SLC20A2: variants seen among roughly 807,000 people sequenced by gnomAD.
SLC20A2 encodes the protein solute carrier family 20 member 2.
In SLC20A2, 30 loss-of-function variants were observed where a neutral mutation model predicts 61.0. That is an observed-to-expected ratio of 0.49 (90% CI 0.37 to 0.67). The LOEUF is 0.67. Ranked by LOEUF, SLC20A2 falls within the 30% of genes least tolerant of loss-of-function variation. The probability of loss-of-function intolerance (pLI) is 0.00; values close to 1 mark genes in which losing one functional copy is unlikely to be tolerated. For synonymous variants in SLC20A2, 351 were observed against 353.3 expected, an observed-to-expected ratio of 0.99 and a Z score of 0.07; for missense variants, 626 against 866.4, an observed-to-expected ratio of 0.72 and a Z score of 3.48.
chr8:42,458,960 C>T (rs1043129689), intron 5 of SLC20A2, among the ~76,000 whole-genome samples: 7 of 105,766 alleles, frequency 6.6e-5, no homozygotes, highest in African/African-American at 3.5e-4. Flanking sequence ...CCACAAAAAA[C>T]CTCTGAACCT....
intron 1 of SLC20A2, among the ~76,000 whole-genome samples, chr8:42,532,307 A>G (rs1448189863): frequency 6.6e-6 from 1 of 152,200 alleles, no homozygotes; most frequent in Non-Finnish European, 1.5e-5. Flanking sequence ...ATTTCTAGAA[A>G]TTAACAATGA....
At chr8:42,456,110 A>G (rs962276150) in intron 5 of SLC20A2, among the ~76,000 whole-genome samples, 1 of 152,148 alleles carries the variant, frequency 6.6e-6, no homozygotes, top group Non-Finnish European at 1.5e-5. Context: ...GAATGTGCCA[A>G]CTGCAGCCAA....
chr8:42,517,229 G>A (rs1318370484), intron 1 of SLC20A2, among the ~76,000 whole-genome samples: 2 of 151,986 alleles, frequency 1.3e-5, no homozygotes, highest in East Asian at 1.9e-4. Flanking sequence ...CAGGCTGGGC[G>A]AGGTGGCTCA....
At chr8:42,517,938 A>ATTAT (rs755642461) in intron 1 of SLC20A2, among the ~76,000 whole-genome samples, 21 of 151,762 alleles carry the variant, frequency 1.4e-4, no homozygotes, top group Middle Eastern at 3.4e-3. Context: ...TTTTTAAAGA[A>ATTAT]TTATTTATTT....
intron 1 of SLC20A2, among the ~76,000 whole-genome samples, chr8:42,478,679 A>G (rs1441895230): frequency 6.6e-6 from 1 of 152,058 alleles, no homozygotes; most frequent in African/African-American, 2.4e-5. Context: ...TGTTGTCAAA[A>G]CTCACGAAAC....
Position 42,487,882 on chromosome 8 carries a change from A to G in SLC20A2, c.-265+13149T>C, listed in dbSNP as rs149329128. Among the ~76,000 whole-genome samples, 192 of 152,304 alleles carry G rather than the reference A, an allele frequency of 1.3e-3. 1 individual carries two copies. The highest frequency in any genetic ancestry group is 2.2e-3 in the Non-Finnish European group (150 of 68,032). On this transcript the variant is annotated intron_variant, in intron 1 of 10. Coordinates refer to ENST00000520262, the MANE Select transcript of SLC20A2 (RefSeq NM_001257180.2). ...TTTTCAAAACTGAAACTCTGTACCC[A>G]TTAGACAATAACTTGCCATTCTCGC... is the stretch of plus-strand genomic sequence containing the variant.
intron 1 of SLC20A2, among the ~76,000 whole-genome samples, chr8:42,523,278 C>T (rs1236490913): frequency 1.3e-5 from 2 of 151,784 alleles, no homozygotes; most frequent in Non-Finnish European, 1.5e-5. Context: ...TGCGGTGAGC[C>T]GAGATTGTGC....
chr8:42,479,663 T>C (rs367637079), intron 1 of SLC20A2, among the ~76,000 whole-genome samples: 1 of 151,932 alleles, frequency 6.6e-6, no homozygotes, highest in East Asian at 1.9e-4. Flanking sequence ...CTGTCTCTAC[T>C]AAAAATACAA....
intron 1 of SLC20A2, among the ~76,000 whole-genome samples, chr8:42,500,064 T>C (rs1195757547): frequency 6.6e-6 from 1 of 152,216 alleles, no homozygotes; most frequent in Non-Finnish European, 1.5e-5. Flanking sequence ...GCTTTCACAA[T>C]ACTAACTGTG....
chr8:42,535,499 A>T (rs1362715701), intron 1 of SLC20A2, among the ~76,000 whole-genome samples: 1 of 152,252 alleles, frequency 6.6e-6, no homozygotes, highest in African/African-American at 2.4e-5. Flanking sequence ...TTTCAAAAAA[A>T]CTTAAAAGGG....
chr8:42,496,360 G>T (rs1809927867), intron 1 of SLC20A2, among the ~76,000 whole-genome samples: 1 of 152,158 alleles, frequency 6.6e-6, no homozygotes, highest in Non-Finnish European at 1.5e-5. Flanking sequence ...TCTGTCAAGC[G>T]AAAGCACAAA....
At chr8:42,497,720 T>G (rs1033523263) in intron 1 of SLC20A2, among the ~76,000 whole-genome samples, 1 of 151,996 alleles carries the variant, frequency 6.6e-6, no homozygotes, top group African/African-American at 2.4e-5. Flanking sequence ...ATTGGTTTTT[T>G]TTTTTTTTTT....
chr8:42,459,246 A>C (rs564372527), intron 5 of SLC20A2, among the ~76,000 whole-genome samples: 15 of 150,122 alleles, frequency 1.0e-4, no homozygotes, highest in Non-Finnish European at 1.9e-4. Context: ...AAAAAAAAAA[A>C]AAAAAAAAAA....
chr8:42,515,018 T>A (rs1287016384), intron 1 of SLC20A2, among the ~76,000 whole-genome samples: 2 of 152,224 alleles, frequency 1.3e-5, no homozygotes, highest in African/African-American at 4.8e-5. Context: ...AAACATGTAC[T>A]GTGCACCTAA....
chr8:42,500,863 G>A (rs907464791), intron 1 of SLC20A2, among the ~76,000 whole-genome samples, 168 bp downstream of exon 1: 3 of 152,118 alleles, frequency 2.0e-5, no homozygotes, highest in Non-Finnish European at 4.4e-5. Context: ...TATTGCAGTA[G>A]GAGACATTTA....
At chr8:42,460,529 G>A (rs1041447776) in intron 4 of SLC20A2, among the ~76,000 whole-genome samples, 15 of 152,198 alleles carry the variant, frequency 9.9e-5, no homozygotes, top group African/African-American at 3.6e-4. Context: ...GTTACCATGT[G>A]CTATGAATTT....
upstream of SLC20A2, chr8:42,501,389 T>G (rs1810308983): frequency 6.6e-6 from 1 of 152,244 alleles, no homozygotes; most frequent in Non-Finnish European, 1.5e-5. Context: ...TCTTTTAAGT[T>G]GTTTTTGCAA....
intron 1 of SLC20A2, among the ~76,000 whole-genome samples, chr8:42,492,342 C>T (rs755800330): frequency 7.9e-5 from 12 of 152,116 alleles, no homozygotes; most frequent in Non-Finnish European, 1.6e-4. Flanking sequence ...GGCAACAGAA[C>T]AAGACTCTGT....
At chr8:42,523,337 CTAAATAAATAAATAAAA>C (rs1428392469) in intron 1 of SLC20A2, among the ~76,000 whole-genome samples, 3 of 151,394 alleles carry the variant, frequency 2.0e-5, no homozygotes, top group Admixed American at 6.6e-5. Context: ...TCTCAAAAAA[CTAAATAAATAAATAAAA>C]TAAATAAATA....
Sources: gnomAD v4.1 joint callset for allele counts (sites outside exome capture counted in the v4.1 genomes callset) on GRCh38, gnomAD v4.1.1 for gene constraint, MANE v1.5 for transcripts, NCBI Gene and HGNC (gene_info 2026-07-23, HGNC 2026-07-21) for gene names.